RXFP2: variants seen among roughly 807,000 people sequenced by gnomAD.
RXFP2 encodes relaxin family peptide receptor 2, also known as relaxin receptor 2.
In RXFP2, 68 loss-of-function variants were observed where a neutral mutation model predicts 88.6. The ratio of observed to expected loss-of-function variants is 0.77; its 90% CI spans 0.63 to 0.94. The LOEUF is 0.94. Among genes scored for constraint, RXFP2 ranks in the 40% least tolerant of loss-of-function variants. The pLI, the probability that RXFP2 is intolerant of heterozygous loss-of-function variation, is 0.00. For missense variants in RXFP2, 791 were observed against 893.9 expected, an observed-to-expected ratio of 0.88 and a Z score of 1.47; for synonymous variants, 329 against 306.8, an observed-to-expected ratio of 1.07 and a Z score of -0.76.
chr13:31,797,000 T>C (rs982648362), intron 16 of RXFP2, among the ~76,000 whole-genome samples: 9 of 152,244 alleles, frequency 5.9e-5, no homozygotes, highest in Non-Finnish European at 8.8e-5. Flanking sequence ...AAGGTGTATA[T>C]GAAACATAAA....
At chr13:31,757,450 T>G (rs1227725625) in intron 1 of RXFP2, among the ~76,000 whole-genome samples, 1 of 152,198 alleles carries the variant, frequency 6.6e-6, no homozygotes, top group Non-Finnish European at 1.5e-5. Context: ...GTAGACCCAG[T>G]AGACACGATA....
At chr13:31,784,216 A>G (rs555020518) in intron 11 of RXFP2, among the ~76,000 whole-genome samples, 1 of 152,126 alleles carries the variant, frequency 6.6e-6, no homozygotes, top group Admixed American at 6.5e-5. Context: ...CATCCTACAT[A>G]TAGGCAGAGG....
At chr13:31,749,660 T>G (rs1242629303) in intron 1 of RXFP2, among the ~76,000 whole-genome samples, 1 of 152,230 alleles carries the variant, frequency 6.6e-6, no homozygotes. Context: ...ACCCTGTTCA[T>G]GCTGTAGTAA....
At chr13:31,786,685 C>T (rs369533338) in intron 13 of RXFP2, 48 bp downstream of exon 13, 2 of 1,147,028 alleles carry the variant, frequency 1.7e-6, no homozygotes, top group South Asian at 2.6e-5. Context: ...AGTGGATGTA[C>T]TTAGAGACAC....
At chr13:31,774,366 C>A (rs527591144) in intron 5 of RXFP2, among the ~76,000 whole-genome samples, 1 of 152,292 alleles carries the variant, frequency 6.6e-6, no homozygotes, top group East Asian at 1.9e-4. Flanking sequence ...AGACTAGATC[C>A]TTCCGCAGAC....
chr13:31,777,317 C>T, intron 7 of RXFP2, 59 bp from the exon 8 acceptor site: 1 of 1,209,232 alleles, frequency 8.3e-7, no homozygotes, highest in Non-Finnish European at 1.2e-6. Context: ...TGAGGGGAGG[C>T]AGGTTTTATT....
chr13:31,764,829 A>C (rs1386744324), intron 3 of RXFP2, among the ~76,000 whole-genome samples: 2 of 152,210 alleles, frequency 1.3e-5, no homozygotes, highest in Non-Finnish European at 2.9e-5. Context: ...TGAAATGACT[A>C]CTAGAAGCTA....
Position 31,791,857 on chromosome 13 carries a change from T to C in RXFP2, c.1197T>C (p.Cys399=). ...YCSYAPHVRI[C]MPLTDGISSF... is the part of the protein sequence containing the mutation. ...CCTATGCTCCCCATGTCCGAATATG[T>C]ATGCCCTTGACGGACGGCATTTCTT... The change falls in exon 15 of 18, where the codon TGT becomes TGC. Residue 399 remains cysteine, a synonymous_variant. Transcript: ENST00000298386. The C allele has an allele frequency of 3.7e-6, 6 of 1,614,180 alleles. No individual in the cohort carries two copies. The highest frequency in any genetic ancestry group is 5.1e-6 in the Non-Finnish European group (6 of 1,180,010).
At chr13:31,764,580 C>A (rs1872463960) in intron 3 of RXFP2, among the ~76,000 whole-genome samples, 1 of 152,138 alleles carries the variant, frequency 6.6e-6, no homozygotes, top group African/African-American at 2.4e-5. Context: ...GCATCTCAAT[C>A]TTCTCATGGC....
intron 17 of RXFP2, 76 bp from the exon 18 acceptor site, chr13:31,802,070 G>T (rs1874370948): frequency 7.0e-7 from 1 of 1,437,356 alleles, no homozygotes; most frequent in Non-Finnish European, 9.7e-7. Flanking sequence ...AAATAGCATT[G>T]ACTGCAAAGT....
chr13:31,767,451 C>A (rs1220563379), intron 5 of RXFP2, among the ~76,000 whole-genome samples: 1 of 152,114 alleles, frequency 6.6e-6, no homozygotes, highest in Non-Finnish European at 1.5e-5. Context: ...TCCCTAAAAT[C>A]ACAACATGTT....
At chr13:31,800,551 G>A (rs922564390) in intron 17 of RXFP2, among the ~76,000 whole-genome samples, 24 of 152,108 alleles carry the variant, frequency 1.6e-4, no homozygotes, top group Middle Eastern at 3.2e-3. Flanking sequence ...CAGCCTGGGC[G>A]ACAGAGTGAG....
chr13:31,768,340 A>G (rs927132471), intron 5 of RXFP2, among the ~76,000 whole-genome samples: 2 of 152,174 alleles, frequency 1.3e-5, no homozygotes, highest in African/African-American at 4.8e-5. Context: ...TATTATATGT[A>G]AGATAAAGCA....
chr13:31,748,062 G>A (rs1320129082), intron 1 of RXFP2, among the ~76,000 whole-genome samples: 1 of 152,154 alleles, frequency 6.6e-6, no homozygotes, highest in Non-Finnish European at 1.5e-5. Flanking sequence ...GGATGTTGTA[G>A]TTTGCTCATT....
chr13:31,782,189 A>C (rs1873316324), intron 10 of RXFP2, among the ~76,000 whole-genome samples: 1 of 152,202 alleles, frequency 6.6e-6, no homozygotes, highest in South Asian at 2.1e-4. Context: ...GATTGGCCAA[A>C]GATTCTGCCT....
At chr13:31,771,037 A>G (rs1055714220) in intron 5 of RXFP2, among the ~76,000 whole-genome samples, 1 of 152,186 alleles carries the variant, frequency 6.6e-6, no homozygotes, top group Admixed American at 6.5e-5. Context: ...CCTAAAGGAA[A>G]GGCATCCCCA....
chr13:31,773,342 G>C (rs534022098), intron 5 of RXFP2, among the ~76,000 whole-genome samples: 4 of 152,234 alleles, frequency 2.6e-5, no homozygotes, highest in African/African-American at 9.6e-5. Flanking sequence ...GCACATGGAG[G>C]AACATAGGGA....
chr13:31,789,162 A>G lies in RXFP2; in HGVS notation c.1114A>G (p.Met372Val), dbSNP rs1295320457. 3 of 1,608,818 alleles carry G rather than the reference A, an allele frequency of 1.9e-6. No homozygotes were observed. Among genetic ancestry groups the G allele is most frequent in the African/African-American group, 1.3e-5 (1 of 74,852 alleles). The change falls in exon 14 of 18, where the codon ATG (methionine) becomes GTG (valine). Residue 372 changes from methionine (M) to valine (V), a missense_variant. Coordinates refer to ENST00000298386, the MANE Select transcript of RXFP2 (RefSeq NM_130806.5). ...AGAGATTCCAAATATAAACACACGA[A>G]TGTTTCAACCCATGAAGAATCTTTC... ...RIEIPNINTR[M>V]FQPMKNLSHI...
At chr13:31,785,821 A>G (rs1873510497) in intron 11 of RXFP2, among the ~76,000 whole-genome samples, 2 of 152,076 alleles carry the variant, frequency 1.3e-5, no homozygotes, top group Non-Finnish European at 2.9e-5. Flanking sequence ...TTCTGTCTGG[A>G]TTGGACAGTC....
Sources: allele counts gnomAD v4.1 joint callset (sites outside exome capture counted in the v4.1 genomes callset), GRCh38; gene constraint gnomAD v4.1.1; transcripts MANE v1.5; gene names NCBI Gene and HGNC (gene_info 2026-07-23, HGNC 2026-07-21).